MAP3K3: variants seen among roughly 807,000 people sequenced by gnomAD.
The protein encoded by MAP3K3 is MAP/ERK kinase kinase 3.
Under a neutral mutation model 80.9 loss-of-function variants are expected in MAP3K3, and 12 were observed. That is an observed-to-expected ratio of 0.15 (90% CI 0.10 to 0.24). The LOEUF (loss-of-function observed/expected upper bound fraction) is 0.24, where lower values mean the gene tolerates loss of function less well. Ranked by LOEUF, MAP3K3 falls within the 10% of genes least tolerant of loss-of-function variation. The pLI, the probability that MAP3K3 is intolerant of heterozygous loss-of-function variation, is 1.00. For synonymous variants in MAP3K3, 272 were observed against 307.1 expected, an observed-to-expected ratio of 0.89 and a Z score of 1.19; for missense variants, 596 against 834.7, an observed-to-expected ratio of 0.71 and a Z score of 3.52.
chr17:63,646,745 G>C (rs1598077031), intron 3 of MAP3K3, among the ~76,000 whole-genome samples: 1 of 152,276 alleles, frequency 6.6e-6, no homozygotes, highest in East Asian at 1.9e-4. Flanking sequence ...GAAGTTCTCA[G>C]TAGAAAAAAT....
chr17:63,668,487 G>T (rs1349888500), intron 6 of MAP3K3, among the ~76,000 whole-genome samples: 1 of 152,186 alleles, frequency 6.6e-6, no homozygotes, highest in African/African-American at 2.4e-5. Flanking sequence ...CTCAGAGCCT[G>T]GGAAGCTCTG....
intron 4 of MAP3K3, among the ~76,000 whole-genome samples, chr17:63,656,036 C>T (rs563785022): frequency 2.0e-5 from 3 of 151,998 alleles, no homozygotes; most frequent in African/African-American, 7.2e-5. Context: ...TCAAGACCAG[C>T]CTGGACAACA....
At chr17:63,648,080 C>T (rs572575212) in intron 3 of MAP3K3, among the ~76,000 whole-genome samples, 3 of 152,198 alleles carry the variant, frequency 2.0e-5, no homozygotes, top group Non-Finnish European at 4.4e-5. Flanking sequence ...GTTAATGACA[C>T]ACTGATGGGG....
intron 2 of MAP3K3, among the ~76,000 whole-genome samples, chr17:63,638,773 G>A (rs1598068251): frequency 6.6e-6 from 1 of 152,212 alleles, no homozygotes; most frequent in East Asian, 1.9e-4. Flanking sequence ...TCGGTCAGGA[G>A]TGGTGGCTCA....
At chr17:63,680,150 A>G (rs909045342) in intron 6 of MAP3K3, among the ~76,000 whole-genome samples, 8 of 152,230 alleles carry the variant, frequency 5.3e-5, no homozygotes, top group African/African-American at 1.9e-4. Context: ...TCCATTTCAG[A>G]AAACCTAGTG....
intron 6 of MAP3K3, among the ~76,000 whole-genome samples, chr17:63,680,346 G>C (rs2035303978): frequency 6.6e-6 from 1 of 152,172 alleles, no homozygotes; most frequent in Non-Finnish European, 1.5e-5. Flanking sequence ...GGATAAATTT[G>C]TTCCCTTCAG....
chr17:63,673,967 C>T (rs2035163884), intron 6 of MAP3K3, among the ~76,000 whole-genome samples: 1 of 151,868 alleles, frequency 6.6e-6, no homozygotes, highest in Admixed American at 6.6e-5. Context: ...GTAATCCCAG[C>T]TACTTGGGAG....
In MAP3K3 at chr17:63,691,675, C is replaced by A; in HGVS notation, c.1345-58C>A. 3 of 1,585,754 alleles carry A rather than the reference C, an allele frequency of 1.9e-6. No homozygotes were observed. Among genetic ancestry groups the A allele is most frequent in the Admixed American group, 1.7e-5 (1 of 58,590 alleles). ...CTGCCATGCTGGGGGCTGGAATGGG[C>A]TTGCCCCTCCACCAGCCCTCCCCTG... On this transcript the variant is annotated intron_variant, in intron 13 of 15. Coordinates refer to ENST00000361733, the MANE Select transcript of MAP3K3 (RefSeq NM_002401.5). The surrounding 1 kb of genome is among the most constrained non-coding windows in gnomAD (Gnocchi z 4.8).
rs534565490 is a variant in MAP3K3, at chr17:63,675,515, A to G, written c.503-6251A>G. On this transcript the variant is annotated intron_variant, in intron 6 of 15. Transcript: ENST00000361733. ...TCAGCTTTAAGTCAGAGTACAAAGCAAAAGAACCTACCATATCCGAGGGTG... is the reference window on the plus strand; with the variant it reads ...TCAGCTTTAAGTCAGAGTACAAAGCGAAAGAACCTACCATATCCGAGGGTG... Among the ~76,000 whole-genome samples, 11 of 152,324 alleles carry G rather than the reference A, an allele frequency of 7.2e-5. No homozygotes were observed. The South Asian group carries it at 2.1e-3, about 29-fold the overall frequency.
At chr17:63,654,309 A>G (rs1327857758) in intron 4 of MAP3K3, among the ~76,000 whole-genome samples, 3 of 90,576 alleles carry the variant, frequency 3.3e-5, no homozygotes, top group African/African-American at 1.5e-4. Flanking sequence ...CGTGTAGTGC[A>G]ATCATACAGT....
chr17:63,646,183 C>A, intron 3 of MAP3K3, 109 bp downstream of exon 3: 1 of 967,096 alleles, frequency 1.0e-6, no homozygotes, highest in Non-Finnish European at 1.6e-6. Context: ...GGGCCACTGG[C>A]TGGGTAATAG....
intron 6 of MAP3K3, among the ~76,000 whole-genome samples, chr17:63,669,718 T>G (rs1314094869): frequency 6.6e-6 from 1 of 152,096 alleles, no homozygotes; most frequent in African/African-American, 2.4e-5. Flanking sequence ...TCCCAAAGTG[T>G]TGGGATTACA....
At chr17:63,636,947 T>C in intron 2 of MAP3K3, 1 of 589,738 alleles carries the variant, frequency 1.7e-6, no homozygotes, top group Non-Finnish European at 3.3e-6. Flanking sequence ...GACGGGCTGG[T>C]CTAGGGGGGC....
chr17:63,680,620 C>A (rs1197885198), intron 6 of MAP3K3, among the ~76,000 whole-genome samples: 1 of 152,102 alleles, frequency 6.6e-6, no homozygotes, highest in Non-Finnish European at 1.5e-5. Flanking sequence ...TCCCTTATGG[C>A]AGAAAAACAT....
At chr17:63,624,127 C>T (rs1457487949) in intron 1 of MAP3K3, among the ~76,000 whole-genome samples, 1 of 152,050 alleles carries the variant, frequency 6.6e-6, no homozygotes, top group East Asian at 1.9e-4. Context: ...TGAGAGTGGA[C>T]ATAAAAGGAA....
At chr17:63,654,808 C>T (rs1024017311) in intron 4 of MAP3K3, among the ~76,000 whole-genome samples, 12 of 152,078 alleles carry the variant, frequency 7.9e-5, no homozygotes, top group Non-Finnish European at 1.3e-4. Flanking sequence ...GAGGCTGAGG[C>T]GGGCAGATCA....
At chr17:63,680,994 A>T (rs2035320055) in intron 6 of MAP3K3, among the ~76,000 whole-genome samples, 1 of 152,092 alleles carries the variant, frequency 6.6e-6, no homozygotes, top group Admixed American at 6.5e-5. Flanking sequence ...AGAGATGTTG[A>T]AAATCAAATG....
At chr17:63,663,864 G>A (rs920351721) in intron 5 of MAP3K3, among the ~76,000 whole-genome samples, 1 of 152,044 alleles carries the variant, frequency 6.6e-6, no homozygotes, top group Non-Finnish European at 1.5e-5. Context: ...TGCACTCATT[G>A]AGCAAGACCC....
intron 4 of MAP3K3, among the ~76,000 whole-genome samples, chr17:63,655,702 C>T (rs867514886): frequency 1.9e-4 from 29 of 152,146 alleles, no homozygotes; most frequent in African/African-American, 6.5e-4. Flanking sequence ...CTATTTTGCC[C>T]AGGCTGGTCT....
Sources: allele counts gnomAD v4.1 joint callset (sites outside exome capture counted in the v4.1 genomes callset), GRCh38; gene constraint gnomAD v4.1.1; non-coding constraint Gnocchi (gnomAD v3.1); transcripts MANE v1.5; gene names NCBI Gene and HGNC (gene_info 2026-07-23, HGNC 2026-07-21).